Variants in NDUFA7 observed in about 807,000 individuals in gnomAD.
NDUFA7 encodes the protein NADH:ubiquinone oxidoreductase subunit A7.
NDUFA7 carries 18 observed loss-of-function variants against 14.2 expected under a neutral mutation model. The observed-to-expected ratio is 1.27, with a 90% CI of 0.88 to 1.88. The LOEUF (loss-of-function observed/expected upper bound fraction) is 1.88. NDUFA7 is among the 40% of genes most tolerant of loss of function. The pLI is 0.00. For synonymous variants in NDUFA7, 75 were observed against 62.1 expected, an observed-to-expected ratio of 1.21 and a Z score of -0.98; for missense variants, 172 against 147.3, an observed-to-expected ratio of 1.17 and a Z score of -0.87.
downstream of NDUFA7, among the ~76,000 whole-genome samples, chr19:8,309,860 C>T (rs1401768144): frequency 6.6e-6 from 1 of 152,172 alleles, no homozygotes; most frequent in Non-Finnish European, 1.5e-5. Context: ...TGCAGCCAGA[C>T]TTGGACACCC....
At position 8,321,106 on chromosome 19, in the gene NDUFA7, G is replaced by A. The variant is rs1970301734; in HGVS notation, c.52-200C>T. 5.8e-6 allele frequency: 5 copies of A among 862,678 alleles called. No individual in the cohort carries two copies. The South Asian group carries it at 8.6e-5, about 15-fold the overall frequency. 53.4% of individuals were successfully genotyped at this position (862,678 alleles called of 1,614,324 possible). A position where few individuals can be genotyped will look rare whatever the true frequency, so the allele number is the denominator to read the frequency against. On this transcript the variant is annotated intron_variant, in intron 1 of 3. Coordinates refer to ENST00000301457, the MANE Select transcript of NDUFA7 (RefSeq NM_005001.5). ...CCACAGATCCAAGGCTAAGAAGGTC[G>A]GGGACTGGGGAAATCCCAGGCCTGA...
At position 8,316,477 on chromosome 19, in the gene NDUFA7, C is replaced by T; in HGVS notation, c.251+19G>A. On this transcript the variant is annotated intron_variant, in intron 3 of 3. Transcript: ENST00000301457. Reference sequence around the variant, plus strand: ...GAGGGGGCATGGGGGCTGTGGTGAGCAGCGCTGGAGATCCTCACCTCTCTG... The same window carrying T: ...GAGGGGGCATGGGGGCTGTGGTGAGTAGCGCTGGAGATCCTCACCTCTCTG... 6.2e-7 allele frequency: 1 copy of T among 1,612,520 alleles called. No individual in the cohort carries two copies. The highest frequency in any genetic ancestry group is 8.5e-7 in the Non-Finnish European group (1 of 1,179,236).
intron 2 of NDUFA7, among the ~76,000 whole-genome samples, chr19:8,320,150 G>T (rs1363583849): frequency 1.3e-5 from 2 of 152,124 alleles, no homozygotes; most frequent in African/African-American, 4.8e-5. Flanking sequence ...CACCGCGCCC[G>T]GTCAGAATGT....
At chr19:8,319,125 G>C (rs2145399059) in intron 2 of NDUFA7, among the ~76,000 whole-genome samples, 2 of 151,458 alleles carry the variant, frequency 1.3e-5, no homozygotes. Context: ...GGGTTGGGGG[G>C]GAGAGAGCAT....
chr19:8,317,288 T>C (rs117885714), intron 2 of NDUFA7, among the ~76,000 whole-genome samples: 1 of 152,154 alleles, frequency 6.6e-6, no homozygotes, highest in East Asian at 1.9e-4. Context: ...AAAACAAGGA[T>C]GGGCAGGGTG....
intron 3 of NDUFA7, among the ~76,000 whole-genome samples, chr19:8,312,454 T>A (rs894305518): frequency 6.6e-6 from 1 of 152,118 alleles, no homozygotes; most frequent in Non-Finnish European, 1.5e-5. Flanking sequence ...CTCCAGTGAA[T>A]CAGAAGGTGA....
At chr19:8,312,717 A>C (rs1166079523) in intron 3 of NDUFA7, among the ~76,000 whole-genome samples, 1 of 152,162 alleles carries the variant, frequency 6.6e-6, no homozygotes, top group Non-Finnish European at 1.5e-5. Flanking sequence ...GCTGGAGTGC[A>C]GTGGCGCAAT....
At chr19:8,313,509 C>T (rs1461481376) in intron 3 of NDUFA7, among the ~76,000 whole-genome samples, 3 of 152,242 alleles carry the variant, frequency 2.0e-5, no homozygotes, top group Non-Finnish European at 4.4e-5. Flanking sequence ...GGATTACAGG[C>T]GTGAGCCACC....
At chr19:8,318,298 G>A (rs940153026) in intron 2 of NDUFA7, among the ~76,000 whole-genome samples, 1 of 152,074 alleles carries the variant, frequency 6.6e-6, no homozygotes, top group African/African-American at 2.4e-5. Flanking sequence ...ATACAGGCGT[G>A]TGCCACCATG....
At chr19:8,310,949 GGTTGCAGTGACCTGAGATCGTGCC>G (rs1411642689), downstream of NDUFA7, among the ~76,000 whole-genome samples, 10 of 152,288 alleles carry the variant, frequency 6.6e-5, no homozygotes, top group East Asian at 1.9e-3. Flanking sequence ...AGGAGGCAGA[GGTTGCAGTGACCTGAGATCGTGCC>G]GTTGCGTTCC....
rs544751893 is a variant in NDUFA7 at position 8,318,252 on chromosome 19, G to C, written c.102-1607C>G. On this transcript the variant is annotated intron_variant, in intron 2 of 3. Transcript: ENST00000301457. ...TGCAACCTCCGCCTCCCAGGTTCAA[G>C]CGATTTTCCTGCATCAGCCTCCCAG... is the stretch of plus-strand genomic sequence containing the variant. Among the ~76,000 whole-genome samples, 600 of 152,136 alleles carry C rather than the reference G, an allele frequency of 3.9e-3. 8 individuals carry two copies. The highest frequency in any genetic ancestry group is 0.014 in the African/African-American group (571 of 41,508).
At chr19:8,317,727 G>A (rs955183055) in intron 2 of NDUFA7, among the ~76,000 whole-genome samples, 10 of 152,136 alleles carry the variant, frequency 6.6e-5, no homozygotes, top group Admixed American at 5.2e-4. Flanking sequence ...CTTGAGGTGT[G>A]ATCATAGCTC....
chr19:8,310,356 G>C (rs1249122003), downstream of NDUFA7: 2 of 152,176 alleles, frequency 1.3e-5, no homozygotes, highest in African/African-American at 4.8e-5. Flanking sequence ...TTGAACCCAG[G>C]AGGCAGAGGT....
chr19:8,311,418 T>G lies in NDUFA7; in HGVS notation c.*87A>C. 1 of 1,007,058 alleles carries G rather than the reference T, an allele frequency of 9.9e-7. No individual in the cohort carries two copies. The highest frequency in any genetic ancestry group is 1.5e-5 in the South Asian group (1 of 64,634). 62.4% of individuals were successfully genotyped at this position (1,007,058 alleles called of 1,614,324 possible). A position where few individuals can be genotyped will look rare whatever the true frequency, so the allele number is the denominator to read the frequency against. ...GTAAAACTAGAAGTGATACCTGAGC[T>G]CTACGTATTTGTCATAAATTAGGTC... is the stretch of plus-strand genomic sequence containing the variant. On this transcript the variant is annotated 3_prime_UTR_variant, in exon 4 of 4. Coordinates refer to ENST00000301457, the MANE Select transcript of NDUFA7 (RefSeq NM_005001.5).
chr19:8,310,485 C>CA (rs937998838), downstream of NDUFA7: 2 of 152,086 alleles, frequency 1.3e-5, no homozygotes, highest in African/African-American at 4.8e-5. Context: ...TCCGCACATA[C>CA]ACCCCTTACC....
chr19:8,317,606 A>G (rs372107599), intron 2 of NDUFA7, among the ~76,000 whole-genome samples: 33 of 152,308 alleles, frequency 2.2e-4, no homozygotes, highest in African/African-American at 7.5e-4. Context: ...CCACTTAGCC[A>G]TGTTTCTAAG....
rs1970235187 is a variant in NDUFA7 at position 8,316,491 on chromosome 19, C to T, written c.251+5G>A. ...GCTGTGGTGAGCAGCGCTGGAGATC[C>T]TCACCTCTCTGCTGGCTTGCCTGAC... is the stretch of plus-strand genomic sequence containing the variant. On this transcript the variant is annotated splice_donor_5th_base_variant and intron_variant, in intron 3 of 3. Transcript: ENST00000301457. The T allele has an allele frequency of 6.2e-7, 1 of 1,613,552 alleles. No homozygotes were observed. The highest frequency in any genetic ancestry group is 8.5e-7 in the Non-Finnish European group (1 of 1,179,864).
At chr19:8,318,663 CAAAAAAAAA>C (rs35904087) in intron 2 of NDUFA7, among the ~76,000 whole-genome samples, 1,189 of 41,094 alleles carry the variant, frequency 0.029, 14 homozygotes, top group Non-Finnish European at 0.044. Flanking sequence ...CCCAGTCTTA[CAAAAAAAAA>C]AAAAAAAAAA....
chr19:8,314,401 G>A (rs533919080), intron 3 of NDUFA7, among the ~76,000 whole-genome samples: 22 of 143,718 alleles, frequency 1.5e-4, no homozygotes, highest in South Asian at 8.9e-4. Flanking sequence ...GAGGGACCCC[G>A]GACTTCATCT....
Sources: allele counts gnomAD v4.1 joint callset (sites outside exome capture counted in the v4.1 genomes callset), GRCh38; gene constraint gnomAD v4.1.1; transcripts MANE v1.5; gene names NCBI Gene and HGNC (gene_info 2026-07-23, HGNC 2026-07-21).